Variants in EXOC3 observed in about 807,000 individuals in gnomAD.
EXOC3 encodes the protein SEC6-like 1.
In EXOC3, 21 loss-of-function variants were observed where a neutral mutation model predicts 73.7. The observed-to-expected ratio is 0.29, with a 90% confidence interval of 0.20 to 0.41. EXOC3 has a LOEUF of 0.41. Among genes scored for constraint, EXOC3 ranks in the 10% least tolerant of loss-of-function variants. The pLI, the probability that EXOC3 is intolerant of heterozygous loss-of-function variation, is 1.00. For missense variants in EXOC3, 842 were observed against 985.1 expected, an observed-to-expected ratio of 0.85 and a Z score of 1.95; for synonymous variants, 410 against 389.1, an observed-to-expected ratio of 1.05 and a Z score of -0.63.
intron 3 of EXOC3, 65 bp downstream of exon 3, chr5:447,817 T>C: frequency 8.4e-7 from 1 of 1,195,524 alleles, no homozygotes; most frequent in Non-Finnish European, 1.2e-6. Flanking sequence ...CACTGAGTGC[T>C]CTGTGTGCAG....
chr5:457,875 C>A, intron 5 of EXOC3, 25 bp from the exon 6 acceptor site: 1 of 1,592,196 alleles, frequency 6.3e-7, no homozygotes. Context: ...CTCTTCTCTT[C>A]TCCATGATGC....
At chr5:457,119 A>T (rs1019596646) in intron 5 of EXOC3, 113 bp downstream of exon 5, 2 of 734,748 alleles carry the variant, frequency 2.7e-6, no homozygotes, top group African/African-American at 3.5e-5. Flanking sequence ...ACTTCCTAGG[A>T]TGCATTGCTC....
chr5:463,551 T>C lies in EXOC3; in HGVS notation c.1654-739T>C, dbSNP rs1451604337. On this transcript the variant is annotated intron_variant, in intron 9 of 12. Coordinates refer to ENST00000512944, the MANE Select transcript of EXOC3 (RefSeq NM_007277.5). ...AAAAAGGGGCTGTTTGTATTCTGTG[T>C]GGGCCTGAACTGGGTTGGGTTTTTG... Among the ~76,000 whole-genome samples, 3 of 152,242 alleles carry C rather than the reference T, an allele frequency of 2.0e-5. No individual in the cohort carries two copies. In the East Asian group the frequency reaches 5.8e-4, roughly 29 times the overall value.
chr5:465,962 C>T, intron 12 of EXOC3, 117 bp downstream of exon 12: 1 of 1,148,684 alleles, frequency 8.7e-7, no homozygotes, highest in Non-Finnish European at 1.2e-6. Flanking sequence ...TGCAGCACGG[C>T]AAGGGTTCAG....
At chr5:451,649 C>T (rs193173431) in intron 3 of EXOC3, among the ~76,000 whole-genome samples, 1 of 152,126 alleles carries the variant, frequency 6.6e-6, no homozygotes. Flanking sequence ...TTTTTTGAGG[C>T]CTTTGCTTCT....
At chr5:463,045 C>T (rs1431971298) in intron 9 of EXOC3, among the ~76,000 whole-genome samples, 6 of 152,186 alleles carry the variant, frequency 3.9e-5, no homozygotes, top group African/African-American at 1.4e-4. Context: ...GTGGAGGTTG[C>T]AGTGAGCAGA....
chr5:466,688 C>T lies in EXOC3; in HGVS notation c.2067-39C>T, dbSNP rs377408913. ...CCTGGCAGCGTGGTGCATCACAGGG[C>T]TGCTAAGTGGGCATGGGCTGACATC... On this transcript the variant is annotated intron_variant, in intron 12 of 12. Transcript: ENST00000512944. 5 of 1,585,900 alleles carry T rather than the reference C, an allele frequency of 3.2e-6. No individual in the cohort carries two copies. In the African/African-American group the frequency reaches 6.7e-5, roughly 21 times the overall value.
In EXOC3 at chr5:462,036, A is replaced by C. The variant is rs1470104387; in HGVS notation, c.1468A>C (p.Met490Leu). The change falls in exon 8 of 13, where the codon ATG (methionine) becomes CTG (leucine). Residue 490 changes from methionine (M) to leucine (L), a missense_variant. Coordinates refer to ENST00000512944, the MANE Select transcript of EXOC3 (RefSeq NM_007277.5). The stretch of plus-strand genomic sequence containing the variant: ...GCACCCTCACTGCTACGTTCAGTAC[A>C]TGATCGCCATCATCAACAACTGCCA... Reference protein sequence around the residue: ...RQHPHCYVQYMIAIINNCQTF... With the variant: ...RQHPHCYVQYLIAIINNCQTF... 2 of 1,609,728 alleles carry C rather than the reference A, an allele frequency of 1.2e-6. No individual in the cohort carries two copies. Among genetic ancestry groups the C allele is most frequent in the Non-Finnish European group, 1.7e-6 (2 of 1,177,866 alleles).
rs775862583 is a variant in EXOC3 at position 464,395 on chromosome 5, A to G, written c.1759A>G (p.Lys587Glu). 8.1e-6 allele frequency: 13 copies of G among 1,613,644 alleles called. No homozygotes were observed. The highest frequency in any genetic ancestry group is 6.7e-5 in the East Asian group (3 of 44,892). The change falls in exon 10 of 13, where the codon AAA becomes GAA. Residue 587 changes from lysine (K) to glutamate (E), a missense_variant. Transcript: ENST00000512944. ...EDYFNDFAKI[K>E]KPYKKRMTAE... ...CTATTTCAACGATTTTGCCAAAATT[A>G]AAAAGCCGTATAAGAAGGTAAGAAG...
intron 1 of EXOC3, chr5:445,021 T>G (rs1208691887): frequency 1.3e-5 from 2 of 152,176 alleles, no homozygotes; most frequent in Non-Finnish European, 2.9e-5. Flanking sequence ...AAGAGAGGTG[T>G]CTGAAAGCAT....
At chr5:453,279 T>C (rs906902789) in intron 3 of EXOC3, 91 bp from the exon 4 acceptor site, 2 of 933,084 alleles carry the variant, frequency 2.1e-6, no homozygotes, top group Non-Finnish European at 3.2e-6. Context: ...AGATGTGGCT[T>C]CCTGCTCTGC....
At chr5:446,693 A>G (rs1200650431) in intron 2 of EXOC3, among the ~76,000 whole-genome samples, 2 of 152,142 alleles carry the variant, frequency 1.3e-5, no homozygotes, top group South Asian at 2.1e-4. Flanking sequence ...CCCTGTCTCT[A>G]TGAAAATACA....
rs954441157 is a variant in EXOC3, at chr5:455,007, G to C, written c.1046+956G>C. Among the ~76,000 whole-genome samples, 6 of 152,030 alleles carry C rather than the reference G, an allele frequency of 3.9e-5. No individual in the cohort carries two copies. The East Asian group carries it at 9.7e-4, about 25-fold the overall frequency. On this transcript the variant is annotated intron_variant, in intron 4 of 12. Coordinates refer to ENST00000512944, the MANE Select transcript of EXOC3 (RefSeq NM_007277.5). ...GCGCCCCCTGCAGAGAATGGTCACC[G>C]TGACGCTCTGTGCAATGGTGGCTCT... is the stretch of plus-strand genomic sequence containing the variant.
rs572732923 is a variant in EXOC3, at chr5:462,831, T to TACC, written c.1653+524_1653+525insACC. Among the ~76,000 whole-genome samples the TACC allele has an allele frequency of 2.6e-5, 4 of 152,220 alleles. No homozygotes were observed. In the South Asian group the frequency reaches 8.3e-4, roughly 32 times the overall value. On this transcript the variant is annotated intron_variant, in intron 9 of 12. Transcript: ENST00000512944. The stretch of plus-strand genomic sequence containing the variant: ...AAAAAATAAGACCTTGTAGGCCGGG[T>TACC]GTGGTGGCTTACGCCTTTAATCCCA...
In EXOC3 at chr5:465,291, C is replaced by A; in HGVS notation, c.1938+19C>A. 6.4e-7 allele frequency: 1 copy of A among 1,566,142 alleles called. No individual in the cohort carries two copies. Among genetic ancestry groups the A allele is most frequent in the Non-Finnish European group, 8.6e-7 (1 of 1,156,612 alleles). ...GGCGTCCGTGAGTGTCGCGCAGGTC[C>A]GGGCTGGAGAAGGCCTGTCGCTCCG... On this transcript the variant is annotated intron_variant, in intron 11 of 12. Transcript: ENST00000512944.
At chr5:464,845 A>G (rs1453169984) in intron 10 of EXOC3, 6 of 534,440 alleles carry the variant, frequency 1.1e-5, no homozygotes, top group Non-Finnish European at 2.0e-5. Context: ...CTGTGGACCG[A>G]GTGCTCATGC....
chr5:465,203 C>A lies in EXOC3; in HGVS notation c.1869C>A (p.Arg623=). Residue 623 remains arginine, a synonymous_variant, in exon 11 of 13, where the codon CGC becomes CGA. Coordinates refer to ENST00000512944, the MANE Select transcript of EXOC3 (RefSeq NM_007277.5). The part of the protein sequence containing the change: ...KRISFRSPEE[R]KEGAEKMVRE... Reference sequence around the variant, plus strand: ...TTTCCTTCCGGAGCCCGGAGGAGCGCAAGGAGGGTGCCGAGAAGATGGTTA... The same window carrying A: ...TTTCCTTCCGGAGCCCGGAGGAGCGAAAGGAGGGTGCCGAGAAGATGGTTA... 6.3e-7 allele frequency: 1 copy of A among 1,594,470 alleles called. No individual in the cohort carries two copies. Among genetic ancestry groups the A allele is most frequent in the South Asian group, 1.1e-5 (1 of 87,770 alleles).
chr5:459,692 G>A lies in EXOC3; in HGVS notation c.1391+233G>A, dbSNP rs193285524. 1.4e-4 allele frequency: 49 copies of A among 358,134 alleles called. No individual in the cohort carries two copies. The East Asian group carries it at 1.8e-3, about 13-fold the overall frequency. 22.2% of individuals were successfully genotyped at this position (358,134 alleles called of 1,614,324 possible). A position where few individuals can be genotyped will look rare whatever the true frequency, so the allele number is the denominator to read the frequency against. On this transcript the variant is annotated intron_variant, in intron 7 of 12. Coordinates refer to ENST00000512944, the MANE Select transcript of EXOC3 (RefSeq NM_007277.5). ...GCTCCCAGAGCTGATGTGTTGTGACGTCCTTAGCGATGCGCCGGATGACAC... is the reference window on the plus strand; with the variant it reads ...GCTCCCAGAGCTGATGTGTTGTGACATCCTTAGCGATGCGCCGGATGACAC...
intron 9 of EXOC3, among the ~76,000 whole-genome samples, chr5:462,880 C>T (rs4602680): frequency 0.56 from 85,494 of 152,038 alleles, 25,098 homozygotes; most frequent in African/African-American, 0.75. Flanking sequence ...CCAAGGTAGG[C>T]GGATCACCTG....
Sources: allele counts gnomAD v4.1 joint callset (sites outside exome capture counted in the v4.1 genomes callset), GRCh38; gene constraint gnomAD v4.1.1; transcripts MANE v1.5; gene names NCBI Gene and HGNC (gene_info 2026-07-23, HGNC 2026-07-21).